The following GCN1 variants were observed in gnomAD, a reference collection of about 807,000 sequenced individuals.
GCN1 encodes GCN1 activator of EIF2AK4, also known as stalled ribosome sensor GCN1.
GCN1 carries 90 observed loss-of-function variants against 288.4 expected under a neutral mutation model. The observed-to-expected ratio is 0.31, with a 90% confidence interval of 0.26 to 0.37. The LOEUF is 0.37. GCN1 is among the 10% of genes least tolerant of loss of function. GCN1 has a pLI of 1.00. For missense variants in GCN1, 2,586 were observed against 3,419.9 expected, an observed-to-expected ratio of 0.76 and a Z score of 6.08; for synonymous variants, 1,386 against 1,420.2, an observed-to-expected ratio of 0.98 and a Z score of 0.54.
intron 1 of GCN1, among the ~76,000 whole-genome samples, chr12:120,194,378 G>C (rs1185548591): frequency 6.6e-6 from 1 of 152,240 alleles, no homozygotes; most frequent in Non-Finnish European, 1.5e-5. Flanking sequence ...TTGGAGAAAA[G>C]AAGTAGAGGC....
chr12:120,180,771 G>A (rs1462984737), intron 5 of GCN1, among the ~76,000 whole-genome samples: 6 of 149,932 alleles, frequency 4.0e-5, no homozygotes, highest in African/African-American at 1.5e-4. Context: ...GGCGGATCAC[G>A]AGGTCAGGAG....
chr12:120,135,212 C>T (rs1253770981), intron 51 of GCN1, among the ~76,000 whole-genome samples: 1 of 152,172 alleles, frequency 6.6e-6, no homozygotes, highest in African/African-American at 2.4e-5. Context: ...TCAGAACAAG[C>T]CTGTGAAACA....
intron 53 of GCN1, among the ~76,000 whole-genome samples, chr12:120,133,797 G>A (rs1017086520): frequency 7.2e-5 from 11 of 152,184 alleles, no homozygotes; most frequent in Non-Finnish European, 1.0e-4. Flanking sequence ...GGCCGGGCGC[G>A]GTGGCTCATG....
rs1263704923 is a variant in GCN1 at position 120,144,684 on chromosome 12, G to C, written c.5307C>G (p.Asp1769Glu). The change falls in exon 41 of 58, where the codon GAC becomes GAG. Residue 1769 changes from aspartate (D) to glutamate (E), a missense_variant. By Grantham distance (45) the Asp-to-Glu change is conservative. Coordinates refer to ENST00000300648, the MANE Select transcript of GCN1 (RefSeq NM_006836.2). The surrounding 1 kb of genome is among the most constrained non-coding windows in gnomAD (Gnocchi z 4.7). The part of the protein sequence containing the change: ...MFNYLPITFG[D>E]KFTPYVGPII... Reference sequence around the variant, plus strand: ...TGGGCCCCACATAAGGAGTAAACTTGTCTCCAAAGGTGATGGGCAGGTAGT... The same window carrying C: ...TGGGCCCCACATAAGGAGTAAACTTCTCTCCAAAGGTGATGGGCAGGTAGT... 1 of 1,614,102 alleles carries C rather than the reference G, an allele frequency of 6.2e-7. No homozygotes were observed.
At chr12:120,131,405 GCCCACCC>G in intron 54 of GCN1, 72 bp from the exon 55 acceptor site, 3 of 1,479,422 alleles carry the variant, frequency 2.0e-6, no homozygotes, top group Non-Finnish European at 2.8e-6. Flanking sequence ...AGGCCCATGG[GCCCACCC>G]CGCTGGAGAC....
rs1877799675 is a variant in GCN1 at position 120,157,835 on chromosome 12, G to C, written c.3087+14C>G. The C allele has an allele frequency of 6.2e-7, 1 of 1,610,244 alleles. No homozygotes were observed. The highest frequency in any genetic ancestry group is 2.2e-5 in the East Asian group (1 of 44,820). On this transcript the variant is annotated intron_variant, in intron 26 of 57. Transcript: ENST00000300648. The stretch of plus-strand genomic sequence containing the variant: ...CCCTTTAAACCAAGAGGAGAGCAGA[G>C]CTTCCCTGCCAACCTCGTCCACCCG...
Position 120,153,546 on chromosome 12 carries a change from T to C in GCN1, c.3868-139A>G. The C allele has an allele frequency of 2.2e-6, 2 of 906,646 alleles. No individual in the cohort carries two copies. The highest frequency in any genetic ancestry group is 3.3e-6 in the Non-Finnish European group (2 of 600,790). 56.2% of individuals were successfully genotyped at this position (906,646 alleles called of 1,614,324 possible). On this transcript the variant is annotated intron_variant, in intron 32 of 57. Coordinates refer to ENST00000300648, the MANE Select transcript of GCN1 (RefSeq NM_006836.2). The surrounding 1 kb of genome is among the most constrained non-coding windows in gnomAD (Gnocchi z 4.4). ...CATGCCAGCCAGTGGCTCTTCCAGT[T>C]TTCTGGCAGGACTGCCACAGACTTA...
In GCN1 at chr12:120,162,172, T is replaced by C. The variant is rs1877952970; in HGVS notation, c.2164-114A>G. 2.1e-5 allele frequency: 18 copies of C among 839,450 alleles called. No individual in the cohort carries two copies. In the South Asian group the frequency reaches 3.0e-4, roughly 14 times the overall value. 52.0% of individuals were successfully genotyped at this position (839,450 alleles called of 1,614,324 possible). On this transcript the variant is annotated intron_variant, in intron 20 of 57. Coordinates refer to ENST00000300648, the MANE Select transcript of GCN1 (RefSeq NM_006836.2). ...CCCCTTCTTTATGCCACTGCCTTGT[T>C]ACTCCTGGGCAATGCCCATCACAGT...
intron 7 of GCN1, 71 bp downstream of exon 7, chr12:120,178,554 T>C: frequency 1.3e-6 from 2 of 1,526,998 alleles, no homozygotes; most frequent in Non-Finnish European, 1.8e-6. Context: ...CAGGTTCCCA[T>C]TCCTTCCCTC....
chr12:120,173,597 A>G (rs1878376535), intron 14 of GCN1, 56 bp downstream of exon 14: 1 of 1,004,112 alleles, frequency 1.0e-6, no homozygotes, highest in South Asian at 1.4e-5. Flanking sequence ...CAATACCCTA[A>G]AGACTCAGTA....
At chr12:120,133,117 G>A (rs1045424284) in intron 53 of GCN1, among the ~76,000 whole-genome samples, 5 of 152,250 alleles carry the variant, frequency 3.3e-5, no homozygotes, top group Non-Finnish European at 2.9e-5. Context: ...CCGACAGCTG[G>A]CGCCTGGGGA....
At chr12:120,157,762 GA>G in intron 26 of GCN1, 86 bp downstream of exon 26, 1 of 1,050,360 alleles carries the variant, frequency 9.5e-7, no homozygotes, top group South Asian at 1.5e-5. Flanking sequence ...TCCCCACCAG[GA>G]ACTGTTCATG....
At chr12:120,145,438 C>T in intron 38 of GCN1, 108 bp from the exon 39 acceptor site, 2 of 772,506 alleles carry the variant, frequency 2.6e-6, no homozygotes, top group Non-Finnish European at 4.0e-6. Context: ...GAGTGCTTGG[C>T]AGGGGCACCT....
intron 26 of GCN1, chr12:120,157,247 A>G (rs951134005): frequency 2.2e-5 from 10 of 456,778 alleles, no homozygotes; most frequent in African/African-American, 1.8e-4. Flanking sequence ...GACCGTAAAT[A>G]TATGAAGAGA....
At chr12:120,192,195 A>G (rs980487518) in intron 1 of GCN1, among the ~76,000 whole-genome samples, 2 of 152,162 alleles carry the variant, frequency 1.3e-5, no homozygotes, top group African/African-American at 4.8e-5. Flanking sequence ...ATCTCAGTAC[A>G]TTTAGGGAGA....
chr12:120,188,978 C>T (rs1878915847), intron 2 of GCN1, among the ~76,000 whole-genome samples: 1 of 152,130 alleles, frequency 6.6e-6, no homozygotes, highest in Admixed American at 6.6e-5. Flanking sequence ...ATAAACTCTC[C>T]ATGAACCCAA....
In GCN1 at chr12:120,131,471, G is replaced by A; in HGVS notation, c.7415-138C>T. 4 of 756,690 alleles carry A rather than the reference G, an allele frequency of 5.3e-6. No homozygotes were observed. The South Asian group carries it at 7.0e-5, about 13-fold the overall frequency. The allele number at this position is 756,690 out of a possible 1,614,324, so 46.9% of individuals were successfully genotyped here. ...GGAAAACTCCAGGCCACATTCACAT[G>A]GACCTCCCTGCTATCTTGGCAGAAG... On this transcript the variant is annotated intron_variant, in intron 54 of 57. Transcript: ENST00000300648.
In GCN1 at chr12:120,151,380, G is replaced by A. The variant is rs759613853; in HGVS notation, c.4074C>T (p.Ser1358=). ...CAAGGGGTGGCAAGCAGCTGGCTAC[G>A]GACTCCTGGACCTGGGGAAGGGCCC... ...LSTPSQQVQE[S]VASCLPPLVP... is the part of the protein sequence containing the mutation. Residue 1358 remains serine (S), a synonymous_variant, in exon 34 of 58, where the codon TCC becomes TCT. Transcript: ENST00000300648. The A allele has an allele frequency of 1.5e-5, 25 of 1,613,276 alleles. No homozygotes were observed. Among genetic ancestry groups the A allele is most frequent in the Admixed American group, 5.0e-5 (3 of 59,986 alleles).
intron 5 of GCN1, among the ~76,000 whole-genome samples, chr12:120,182,676 A>G (rs1413402305): frequency 6.6e-6 from 1 of 152,072 alleles, no homozygotes; most frequent in East Asian, 1.9e-4. Context: ...AGTGGCTCAC[A>G]CCTATAATCC....
Sources: allele counts gnomAD v4.1 joint callset (sites outside exome capture counted in the v4.1 genomes callset), GRCh38; gene constraint gnomAD v4.1.1; non-coding constraint Gnocchi (gnomAD v3.1); transcripts MANE v1.5; gene names NCBI Gene and HGNC (gene_info 2026-07-23, HGNC 2026-07-21).